The following ZNF646 variants were observed in gnomAD, a reference collection of about 807,000 sequenced individuals.
The protein encoded by ZNF646 is zinc finger protein 646.
A neutral mutation model predicts 115.4 loss-of-function variants in ZNF646; 49 were observed. The observed-to-expected ratio is 0.42, with a 90% CI of 0.34 to 0.54. The LOEUF (loss-of-function observed/expected upper bound fraction) is 0.54, where lower values mean the gene tolerates loss of function less well. ZNF646 is among the 20% of genes least tolerant of loss of function. The probability of loss-of-function intolerance (pLI) is 0.04; values close to 1 mark genes in which losing one functional copy is unlikely to be tolerated. For missense variants in ZNF646, 2,269 were observed against 2,457.9 expected, an observed-to-expected ratio of 0.92 and a Z score of 1.62; for synonymous variants, 933 against 939.0, an observed-to-expected ratio of 0.99 and a Z score of 0.12.
In ZNF646 at chr16:31,077,146, G is replaced by A; in HGVS notation, c.822G>A (p.Glu274=). ...GIYPCAICFK[E]FSNLMALKNH... The stretch of plus-strand genomic sequence containing the variant: ...ACCCCTGTGCCATCTGTTTCAAGGA[G>A]TTCTCTAACCTCATGGCTCTGAAGA... Residue 274 remains glutamate (E), a synonymous_variant, in exon 2 of 3, where the codon GAG becomes GAA. Coordinates refer to ENST00000300850, the MANE Select transcript of ZNF646 (RefSeq NM_014699.4). The A allele has an allele frequency of 3.1e-6, 5 of 1,614,196 alleles. No homozygotes were observed. Among genetic ancestry groups the A allele is most frequent in the Non-Finnish European group, 4.2e-6 (5 of 1,180,040 alleles).
chr16:31,077,833 T>C lies in ZNF646; in HGVS notation c.1509T>C (p.Asn503=). The change falls in exon 2 of 3, where the codon AAT becomes AAC. Residue 503 remains asparagine, a synonymous_variant. Coordinates refer to ENST00000300850, the MANE Select transcript of ZNF646 (RefSeq NM_014699.4). ...QCSLCPRKYP[N]LMALRNHVRV... The stretch of plus-strand genomic sequence containing the variant: ...CACTCTGTCCCCGCAAGTACCCCAA[T>C]CTCATGGCCCTGCGCAACCACGTGC... 6.2e-7 allele frequency: 1 copy of C among 1,613,754 alleles called. No homozygotes were observed.
intron 2 of ZNF646, 179 bp downstream of exon 2, chr16:31,081,880 C>T (rs926697488): frequency 5.1e-5 from 56 of 1,089,362 alleles, no homozygotes; most frequent in Middle Eastern, 3.1e-4. Flanking sequence ...GCTGAGCACC[C>T]GCAAGTCAGG....
At position 31,076,724 on chromosome 16, in the gene ZNF646, A is replaced by C; in HGVS notation, c.400A>C (p.Ser134Arg). 1 of 1,613,730 alleles carries C rather than the reference A, an allele frequency of 6.2e-7. No homozygotes were observed. The highest frequency in any genetic ancestry group is 8.5e-7 in the Non-Finnish European group (1 of 1,180,032). The change falls in exon 2 of 3, where the codon AGT becomes CGT. Residue 134 changes from serine (S) to arginine (R), a missense_variant. This residue lies in a region of ZNF646 where 334 missense variants were observed against 323.5 expected (regional missense o/e 1.03). Transcript: ENST00000300850. ...TDSWGQRLGS[S>R]EGWENQTKHT... ...CTCCTGGGGCCAAAGGCTTGGCTCT[A>C]GTGAAGGCTGGGAAAACCAGACAAA...
Position 31,077,973 on chromosome 16 carries a change from C to T in ZNF646, c.1649C>T (p.Thr550Ile). 6.2e-7 allele frequency: 1 copy of T among 1,613,962 alleles called. No individual in the cohort carries two copies. ...DPVEAEAAPH[T>I]DQDHVCKHEE... is the part of the protein sequence containing the mutation. ...GTGGAGGCAGAGGCAGCCCCGCACA[C>T]AGATCAGGACCATGTGTGCAAACAT... The change falls in exon 2 of 3, where the codon ACA becomes ATA. Residue 550 changes from threonine (T) to isoleucine (I), a missense_variant. Physicochemically the swap from Thr to Ile is moderately conservative, Grantham distance 89 (BLOSUM62 -1). Around this residue, in one of 5 missense-constraint regions of ZNF646, gnomAD observed 852 missense variants for 900.2 expected, o/e 0.95. Transcript: ENST00000300850.
chr16:31,082,497 T>G (rs2057175899), intron 2 of ZNF646: 1 of 194,226 alleles, frequency 5.1e-6, no homozygotes, highest in African/African-American at 2.4e-5. Context: ...CAACAGTCAT[T>G]AGCCCGTGTC....
Position 31,076,442 on chromosome 16 carries a change from G to C in ZNF646, c.118G>C (p.Glu40Gln). ...TCCATCTCCCAACCAGGACAGTGAG[G>C]AGGCTGACAGCATCCCTCGGCCCTA... The part of the protein sequence containing the change: ...LHPSPNQDSE[E>Q]ADSIPRPYRC... The change falls in exon 2 of 3, where the codon GAG becomes CAG. Residue 40 changes from glutamate to glutamine, a missense_variant. Glu to Gln is a conservative substitution (Grantham distance 29). Transcript: ENST00000300850. The C allele has an allele frequency of 6.2e-7, 1 of 1,614,018 alleles. No homozygotes were observed. The highest frequency in any genetic ancestry group is 8.5e-7 in the Non-Finnish European group (1 of 1,180,000).
At position 31,079,803 on chromosome 16, in the gene ZNF646, C is replaced by T; in HGVS notation, c.3479C>T (p.Pro1160Leu). The T allele has an allele frequency of 1.9e-6, 3 of 1,613,594 alleles. No homozygotes were observed. The highest frequency in any genetic ancestry group is 1.3e-5 in the African/African-American group (1 of 74,932). The change falls in exon 2 of 3, where the codon CCC (proline) becomes CTC (leucine). Residue 1160 changes from proline to leucine, a missense_variant. Transcript: ENST00000300850. This position sits in a 1 kb window ranked among gnomAD's most constrained non-coding sequence, Gnocchi z 5.5. ...EKLQEELKVE[P>L]LEEVARVKEE... The stretch of plus-strand genomic sequence containing the variant: ...CTCCAGGAAGAACTTAAAGTGGAGC[C>T]CCTGGAGGAAGTGGCCAGGGTGAAA...
rs1020311931 is a variant in ZNF646 at position 31,074,461 on chromosome 16, C to T, written c.-250C>T. ...GTGTCCGTAGAGCTGGGAGTAGACT[C>T]CTGGCTCATGCCAGCTGCGCCCTCT... is the stretch of plus-strand genomic sequence containing the variant. On this transcript the variant is annotated 5_prime_UTR_variant, in exon 1 of 3. Transcript: ENST00000300850. 2.0e-5 allele frequency: 3 copies of T among 152,366 alleles called. No individual in the cohort carries two copies. The highest frequency in any genetic ancestry group is 4.4e-5 in the Non-Finnish European group (3 of 68,114). 9.4% of individuals were successfully genotyped at this position (152,366 alleles called of 1,614,324 possible). A position where few individuals can be genotyped will look rare whatever the true frequency, so the allele number is the denominator to read the frequency against.
chr16:31,083,247 G>T lies in ZNF646; in HGVS notation c.*155G>T. ...GATCTGGCTTCTTTCCCAAGGAGGGGGTGGGGTGTTCCTCGCGTCCCTGTC... is the reference window on the plus strand; with the variant it reads ...GATCTGGCTTCTTTCCCAAGGAGGGTGTGGGGTGTTCCTCGCGTCCCTGTC... On this transcript the variant is annotated 3_prime_UTR_variant, in exon 3 of 3. Transcript: ENST00000300850. The T allele has an allele frequency of 5.8e-6, 7 of 1,216,296 alleles. No homozygotes were observed. Among genetic ancestry groups the T allele is most frequent in the Non-Finnish European group, 7.8e-6 (7 of 899,624 alleles). The allele number at this position is 1,216,296 out of a possible 1,614,324, so 75.3% of individuals were successfully genotyped here.
chr16:31,080,202 C>G lies in ZNF646; in HGVS notation c.3878C>G (p.Thr1293Ser). The G allele has an allele frequency of 6.2e-6, 10 of 1,610,026 alleles. No homozygotes were observed. The highest frequency in any genetic ancestry group is 7.6e-6 in the Non-Finnish European group (9 of 1,177,960). ...RRGGGGTRKA[T>S]REDRPFRCGQ... Reference sequence around the variant, plus strand: ...GGGGGTGGGGGCACCCGAAAGGCGACTCGGGAAGATCGGCCCTTCCGCTGT... The same window carrying G: ...GGGGGTGGGGGCACCCGAAAGGCGAGTCGGGAAGATCGGCCCTTCCGCTGT... Residue 1293 changes from threonine (T) to serine (S), a missense_variant, in exon 2 of 3, where the codon ACT (threonine) becomes AGT (serine). Around this residue, in one of 5 missense-constraint regions of ZNF646, gnomAD observed 1,062 missense variants for 1,172.8 expected, o/e 0.91. Transcript: ENST00000300850.
At chr16:31,075,081 A>T (rs1180831198) in intron 1 of ZNF646, among the ~76,000 whole-genome samples, 1 of 152,194 alleles carries the variant, frequency 6.6e-6, no homozygotes, top group Non-Finnish European at 1.5e-5. Context: ...GCACATGGTA[A>T]TATAATACTC....
intron 1 of ZNF646, chr16:31,075,782 C>A (rs1331164512): frequency 6.6e-6 from 1 of 152,326 alleles, no homozygotes; most frequent in East Asian, 1.9e-4. Context: ...TGCTTCTCAG[C>A]TACTCTGTTT....
Position 31,080,874 on chromosome 16 carries a change from A to G in ZNF646, c.4550A>G (p.Asp1517Gly). ...GPTLSHMDSW[D>G]NRDNSSQLQP... Reference sequence around the variant, plus strand: ...ACTCTGAGTCACATGGATAGCTGGGACAACAGAGACAACAGCTCTCAGCTG... The same window carrying G: ...ACTCTGAGTCACATGGATAGCTGGGGCAACAGAGACAACAGCTCTCAGCTG... The change falls in exon 2 of 3, where the codon GAC becomes GGC. Residue 1517 changes from aspartate to glycine, a missense_variant. Asp to Gly is a moderately conservative substitution (Grantham distance 94, BLOSUM62 -1). Around this residue, in one of 5 missense-constraint regions of ZNF646, gnomAD observed 1,062 missense variants for 1,172.8 expected, o/e 0.91. Coordinates refer to ENST00000300850, the MANE Select transcript of ZNF646 (RefSeq NM_014699.4). 1 of 1,614,094 alleles carries G rather than the reference A, an allele frequency of 6.2e-7. No individual in the cohort carries two copies. The highest frequency in any genetic ancestry group is 8.5e-7 in the Non-Finnish European group (1 of 1,180,020).
At chr16:31,081,803 CG>C in intron 2 of ZNF646, 102 bp downstream of exon 2, 2 of 1,441,652 alleles carry the variant, frequency 1.4e-6, no homozygotes, top group Non-Finnish European at 1.8e-6. Flanking sequence ...GAGAGAGCCC[CG>C]GGGATTCTAA....
rs1415143411 is a variant in ZNF646 at position 31,078,967 on chromosome 16, C to G, written c.2643C>G (p.Phe881Leu). Residue 881 changes from phenylalanine (F) to leucine (L), a missense_variant, in exon 2 of 3, where the codon TTC (phenylalanine) becomes TTG (leucine). Phe to Leu is a conservative substitution (Grantham distance 22, BLOSUM62 0). This residue lies in a region of ZNF646 where 852 missense variants were observed against 900.2 expected (regional missense o/e 0.95). Transcript: ENST00000300850. The stretch of plus-strand genomic sequence containing the variant: ...GGGAGGCGACCTCAGCACAGCCTTT[C>G]CTCTGCTGCCTCTGTGGCATGATCT... ...RPGEATSAQP[F>L]LCCLCGMIFP... 1.2e-6 allele frequency: 2 copies of G among 1,608,468 alleles called. No homozygotes were observed.
chr16:31,079,276 T>A lies in ZNF646; in HGVS notation c.2952T>A (p.Thr984=), dbSNP rs927848075. The part of the protein sequence containing the change: ...ERHHQSQSSG[T]TADKAPSPLG... ...ACCACCAAAGTCAGAGTTCTGGGAC[T>A]ACTGCAGACAAGGCTCCCAGCCCCT... Residue 984 remains threonine, a synonymous_variant, in exon 2 of 3, where the codon ACT becomes ACA. Coordinates refer to ENST00000300850, the MANE Select transcript of ZNF646 (RefSeq NM_014699.4). The surrounding 1 kb of genome is among the most constrained non-coding windows in gnomAD (Gnocchi z 5.5). 6.2e-7 allele frequency: 1 copy of A among 1,613,942 alleles called. No homozygotes were observed. The highest frequency in any genetic ancestry group is 1.7e-5 in the Admixed American group (1 of 60,024).
chr16:31,074,221 C>G (rs1042880634), upstream of ZNF646: 4 of 152,456 alleles, frequency 2.6e-5, no homozygotes, highest in African/African-American at 9.6e-5. Context: ...ATTCTAGCTG[C>G]TCTTGCCGGA....
rs1385222313 is a variant in ZNF646, at chr16:31,076,726, T to A, written c.402T>A (p.Ser134Arg). The A allele has an allele frequency of 3.1e-6, 5 of 1,613,424 alleles. No homozygotes were observed. The African/African-American group carries it at 6.7e-5, about 22-fold the overall frequency. ...CCTGGGGCCAAAGGCTTGGCTCTAG[T>A]GAAGGCTGGGAAAACCAGACAAAAC... ...TDSWGQRLGS[S>R]EGWENQTKHT... The change falls in exon 2 of 3, where the codon AGT becomes AGA. Residue 134 changes from serine (S) to arginine (R), a missense_variant. Transcript: ENST00000300850.
At position 31,076,574 on chromosome 16, in the gene ZNF646, T is replaced by G. The variant is rs1210912143; in HGVS notation, c.250T>G (p.Phe84Val). 6.2e-7 allele frequency: 1 copy of G among 1,612,106 alleles called. No individual in the cohort carries two copies. Among genetic ancestry groups the G allele is most frequent in the East Asian group, 2.2e-5 (1 of 44,786 alleles). ...CCCCTGTACCACCTGTGGCAAGGAC[T>G]TCTCCAATCCCATGGCTCTCAAGAG... ...LFPCTTCGKD[F>V]SNPMALKSHM... The change falls in exon 2 of 3, where the codon TTC becomes GTC. Residue 84 changes from phenylalanine to valine, a missense_variant. Around this residue, in one of 5 missense-constraint regions of ZNF646, gnomAD observed 334 missense variants for 323.5 expected, o/e 1.03. Transcript: ENST00000300850.
Sources: allele counts gnomAD v4.1 joint callset (sites outside exome capture counted in the v4.1 genomes callset), GRCh38; gene constraint gnomAD v4.1.1; regional missense constraint gnomAD v4.1.1; non-coding constraint Gnocchi (gnomAD v3.1); transcripts MANE v1.5; gene names NCBI Gene and HGNC (gene_info 2026-07-23, HGNC 2026-07-21).